Variants in NGEF observed in about 807,000 individuals in gnomAD.
NGEF encodes the protein ephexin-1.
A neutral mutation model predicts 80.9 loss-of-function variants in NGEF; 31 were observed. The observed-to-expected ratio is 0.38, with a 90% CI of 0.29 to 0.52. NGEF has a LOEUF of 0.52. NGEF is among the 20% of genes least tolerant of loss of function. The pLI, the probability that NGEF is intolerant of heterozygous loss-of-function variation, is 0.84. For missense variants in NGEF, 709 were observed against 926.2 expected, an observed-to-expected ratio of 0.77 and a Z score of 3.04; for synonymous variants, 371 against 370.2, an observed-to-expected ratio of 1.00 and a Z score of -0.03.
intron 11 of NGEF, among the ~76,000 whole-genome samples, 180 bp from the exon 12 acceptor site, chr2:232,883,646 G>A (rs1376588903): frequency 6.6e-6 from 1 of 152,158 alleles, no homozygotes; most frequent in African/African-American, 2.4e-5. Flanking sequence ...CCCATCCCAG[G>A]TGCGGACAGT....
chr2:232,957,683 T>G (rs1693857737), intron 3 of NGEF, among the ~76,000 whole-genome samples: 1 of 152,184 alleles, frequency 6.6e-6, no homozygotes, highest in East Asian at 1.9e-4. Flanking sequence ...AGACAGTCCA[T>G]GTGATCCCAT....
At chr2:232,922,656 C>T (rs997730357) in intron 4 of NGEF, among the ~76,000 whole-genome samples, 1 of 152,228 alleles carries the variant, frequency 6.6e-6, no homozygotes, top group African/African-American at 2.4e-5. Flanking sequence ...CACTGCACTG[C>T]GGTTACAGAG....
At position 233,000,759 on chromosome 2, in the gene NGEF, C is replaced by CAA. The variant is rs566401446; in HGVS notation, c.-75+12307_-75+12308dup. Among the ~76,000 whole-genome samples, 853 of 115,148 alleles carry CAA rather than the reference C, an allele frequency of 7.4e-3. 10 individuals are homozygous for CAA. Among genetic ancestry groups the CAA allele is most frequent in the African/African-American group, 0.024 (784 of 32,882 alleles). 75.5% of individuals were successfully genotyped at this position (115,148 alleles called of 152,430 possible). On this transcript the variant is annotated intron_variant, in intron 1 of 14. Transcript: ENST00000264051. ...CGGGCGACAGAGCGAGACTCTGTCT[C>CAA]AAAAAAAAAAAAAAACGAAAAAACC...
At chr2:232,894,548 G>T in intron 6 of NGEF, 1 of 444,728 alleles carries the variant, frequency 2.2e-6, no homozygotes, top group Non-Finnish European at 3.9e-6. Context: ...TCATGGGAAG[G>T]GACGCCGGGG....
intron 1 of NGEF, among the ~76,000 whole-genome samples, chr2:233,005,920 G>T (rs181139158): frequency 2.0e-5 from 3 of 152,130 alleles, no homozygotes; most frequent in African/African-American, 7.2e-5. Context: ...GGGTTCAAGC[G>T]ATTCTCCTGC....
chr2:232,891,622 T>C, intron 7 of NGEF, 135 bp from the exon 8 acceptor site: 6 of 1,064,338 alleles, frequency 5.6e-6, no homozygotes, highest in Non-Finnish European at 7.9e-6. Flanking sequence ...CTTTCTTTGT[T>C]TTTTTTCAAA....
At chr2:232,971,997 T>C (rs1351205295) in intron 2 of NGEF, among the ~76,000 whole-genome samples, 1 of 152,218 alleles carries the variant, frequency 6.6e-6, no homozygotes, top group Non-Finnish European at 1.5e-5. Context: ...GGGTGGCCGC[T>C]AGCCACGTGT....
chr2:232,931,808 T>C (rs1226588724), intron 3 of NGEF, among the ~76,000 whole-genome samples: 2 of 152,190 alleles, frequency 1.3e-5, no homozygotes, highest in Non-Finnish European at 2.9e-5. Flanking sequence ...AAAACACATG[T>C]GATTCTTCCA....
intron 3 of NGEF, among the ~76,000 whole-genome samples, chr2:232,966,867 G>A (rs1574642473): frequency 6.6e-6 from 1 of 152,138 alleles, no homozygotes; most frequent in South Asian, 2.1e-4. Flanking sequence ...GGGGGGGGAG[G>A]CGGGTGAGGA....
intron 3 of NGEF, among the ~76,000 whole-genome samples, chr2:232,941,989 C>T (rs756524326): frequency 2.5e-4 from 37 of 149,216 alleles, no homozygotes; most frequent in Non-Finnish European, 5.0e-4. Flanking sequence ...TATACAAGTC[C>T]TAACCAGAAT....
chr2:232,988,534 G>A (rs1212248491), intron 1 of NGEF, among the ~76,000 whole-genome samples: 1 of 152,184 alleles, frequency 6.6e-6, no homozygotes, highest in Non-Finnish European at 1.5e-5. Flanking sequence ...GAGTTTACAT[G>A]GATTCCAGCC....
chr2:232,881,105 A>G (rs752898334), intron 14 of NGEF, 41 bp downstream of exon 14: 2 of 1,543,932 alleles, frequency 1.3e-6, no homozygotes, highest in South Asian at 1.1e-5. Context: ...TTGTGGGGCA[A>G]GTTCCCCTGG....
At chr2:232,933,111 A>AAATAAAT (rs1693250658) in intron 3 of NGEF, among the ~76,000 whole-genome samples, 2 of 140,078 alleles carry the variant, frequency 1.4e-5, no homozygotes, top group Non-Finnish European at 3.1e-5. Flanking sequence ...CTCCATCTCA[A>AAATAAAT]AAATAAATAA....
At chr2:232,907,087 G>T (rs1692579483) in intron 5 of NGEF, among the ~76,000 whole-genome samples, 1 of 145,878 alleles carries the variant, frequency 6.9e-6, no homozygotes, top group Admixed American at 7.2e-5. Context: ...TTTGTCTGCT[G>T]ACCTTCCCTC....
rs1206061955 is a variant in NGEF at position 232,883,392 on chromosome 2, G to T, written c.1676C>A (p.Thr559Lys). The T allele has an allele frequency of 6.2e-7, 1 of 1,612,194 alleles. No homozygotes were observed. The highest frequency in any genetic ancestry group is 1.3e-5 in the African/African-American group (1 of 74,896). ...RVEELEDQGQ[T>K]LANVFILRLL... ...CCGCAGGATGAACACGTTGGCCAGC[G>T]TCTGGCCCTGGTCCTCCAGCTCCTC... The change falls in exon 12 of 15, where the codon ACG becomes AAG. Residue 559 changes from threonine (T) to lysine (K), a missense_variant. Thr to Lys is a moderately conservative substitution (Grantham distance 78). This residue lies in a region of NGEF where 426 missense variants were observed against 622.9 expected (regional missense o/e 0.68). Transcript: ENST00000264051.
chr2:233,002,895 G>C (rs1004119441), intron 1 of NGEF, among the ~76,000 whole-genome samples: 2 of 152,122 alleles, frequency 1.3e-5, no homozygotes, highest in Non-Finnish European at 2.9e-5. Context: ...TGGAGGGTGG[G>C]GCCCAGGCGT....
intron 3 of NGEF, among the ~76,000 whole-genome samples, chr2:232,954,607 C>A (rs1202895111): frequency 6.6e-6 from 1 of 152,012 alleles, no homozygotes; most frequent in Non-Finnish European, 1.5e-5. Flanking sequence ...TGCCTGTAGT[C>A]CCAGCTACTC....
intron 4 of NGEF, 22 bp from the exon 5 acceptor site, chr2:232,920,607 A>C: frequency 4.6e-6 from 7 of 1,507,864 alleles, no homozygotes; most frequent in Non-Finnish European, 6.2e-6. Context: ...GAGTTGTAAA[A>C]AAGAAAAGGA....
chr2:232,991,341 T>C (rs1694645331), intron 1 of NGEF, among the ~76,000 whole-genome samples: 1 of 72,610 alleles, frequency 1.4e-5, no homozygotes, highest in African/African-American at 3.5e-5. Flanking sequence ...AGGAATCCAG[T>C]AAAAAAAAAC....
Sources: allele counts gnomAD v4.1 joint callset (sites outside exome capture counted in the v4.1 genomes callset), GRCh38; gene constraint gnomAD v4.1.1; regional missense constraint gnomAD v4.1.1; transcripts MANE v1.5; gene names NCBI Gene and HGNC (gene_info 2026-07-23, HGNC 2026-07-21).